Variants in CTIF observed in about 807,000 individuals in gnomAD.
CTIF encodes CBP80/20-dependent translation initiation factor.
Under a neutral mutation model 66.0 loss-of-function variants are expected in CTIF, and 21 were observed. The observed-to-expected ratio is 0.32, with a 90% CI of 0.23 to 0.46. The LOEUF (loss-of-function observed/expected upper bound fraction) is 0.46, where lower values mean the gene tolerates loss of function less well. Among genes scored for constraint, CTIF ranks in the 20% least tolerant of loss-of-function variants. CTIF has a pLI of 1.00. For synonymous variants in CTIF, 345 were observed against 326.4 expected, an observed-to-expected ratio of 1.06 and a Z score of -0.62; for missense variants, 739 against 812.7, an observed-to-expected ratio of 0.91 and a Z score of 1.10.
Position 48,631,322 on chromosome 18 carries a change from C to T in CTIF, c.181-5292C>T, listed in dbSNP as rs374735617. Among the ~76,000 whole-genome samples, 107 of 152,200 alleles carry T rather than the reference C, an allele frequency of 7.0e-4. No individual in the cohort carries two copies. In the South Asian group the frequency reaches 7.7e-3, roughly 11 times the overall value. On this transcript the variant is annotated intron_variant, in intron 2 of 11. Coordinates refer to ENST00000256413, the MANE Select transcript of CTIF (RefSeq NM_014772.3). ...CTACTAAAAATACAAAAAAATTAAC[C>T]GGGTGTGGTGGAGAACGCCTGTAGT...
At chr18:48,794,014 A>T (rs1163037456) in intron 9 of CTIF, among the ~76,000 whole-genome samples, 1 of 147,608 alleles carries the variant, frequency 6.8e-6, no homozygotes, top group Admixed American at 6.9e-5. Flanking sequence ...TACAGATTTC[A>T]TCCCCATCCC....
intron 1 of CTIF, among the ~76,000 whole-genome samples, chr18:48,562,663 T>G (rs1394165514): frequency 6.6e-6 from 1 of 152,222 alleles, no homozygotes; most frequent in Admixed American, 6.5e-5. Flanking sequence ...TGTTGGGAAC[T>G]TATGCAGGCC....
intron 6 of CTIF, among the ~76,000 whole-genome samples, chr18:48,706,404 A>G (rs892894623): frequency 3.3e-5 from 5 of 152,110 alleles, no homozygotes; most frequent in Non-Finnish European, 5.9e-5. Flanking sequence ...TGTCACTCCT[A>G]TCACAGTGTC....
In CTIF at chr18:48,812,254, G is replaced by A. The variant is rs185699265; in HGVS notation, c.1372-4967G>A. ...GCTGGGATTATAGGTGTGAGCCACC[G>A]CGCCCAGCTGGCCATACTATTTTTC... On this transcript the variant is annotated intron_variant, in intron 9 of 11. Coordinates refer to ENST00000256413, the MANE Select transcript of CTIF (RefSeq NM_014772.3). Among the ~76,000 whole-genome samples the A allele has an allele frequency of 2.8e-4, 42 of 152,278 alleles. 1 individual carries two copies. Among genetic ancestry groups the A allele is most frequent in the East Asian group, 2.5e-3 (13 of 5,182 alleles).
At chr18:48,788,418 C>T (rs1911912691) in intron 9 of CTIF, among the ~76,000 whole-genome samples, 1 of 152,160 alleles carries the variant, frequency 6.6e-6, no homozygotes, top group Admixed American at 6.5e-5. Context: ...TCCTCCCTAG[C>T]CTTGGTTTCC....
At chr18:48,576,615 G>T (rs1316273080) in intron 1 of CTIF, among the ~76,000 whole-genome samples, 3 of 152,190 alleles carry the variant, frequency 2.0e-5, no homozygotes, top group African/African-American at 4.8e-5. Flanking sequence ...GCCAGCCGGG[G>T]CGTAACCGTT....
At chr18:48,598,844 A>G (rs2090035669) in intron 1 of CTIF, among the ~76,000 whole-genome samples, 1 of 152,196 alleles carries the variant, frequency 6.6e-6, no homozygotes, top group Non-Finnish European at 1.5e-5. Context: ...CAGAACGGAG[A>G]CACTGTGATT....
At chr18:48,737,393 G>A (rs1017170700) in intron 7 of CTIF, among the ~76,000 whole-genome samples, 1 of 152,198 alleles carries the variant, frequency 6.6e-6, no homozygotes, top group African/African-American at 2.4e-5. Context: ...GTTCAGAAGA[G>A]GAAGAAACCA....
chr18:48,692,284 G>C (rs577335512), intron 6 of CTIF, among the ~76,000 whole-genome samples: 10 of 151,684 alleles, frequency 6.6e-5, no homozygotes, highest in African/African-American at 2.4e-4. Context: ...GCCACTCTGG[G>C]TGTTCATGGG....
intron 9 of CTIF, among the ~76,000 whole-genome samples, chr18:48,790,405 C>T (rs1176102472): frequency 2.6e-5 from 4 of 152,188 alleles, no homozygotes; most frequent in African/African-American, 7.2e-5. Context: ...TCTGGAGTGC[C>T]GAGTTCGAGG....
chr18:48,725,992 A>G (rs2092383395), intron 7 of CTIF, among the ~76,000 whole-genome samples: 2 of 152,100 alleles, frequency 1.3e-5, no homozygotes, highest in Admixed American at 6.5e-5. Context: ...TCCTGTCACT[A>G]GATATGTAGC....
Position 48,658,811 on chromosome 18 carries a change from G to A in CTIF, c.253-4941G>A, listed in dbSNP as rs577687985. Among the ~76,000 whole-genome samples, 21 of 152,310 alleles carry A rather than the reference G, an allele frequency of 1.4e-4. No individual in the cohort carries two copies. The East Asian group carries it at 4.1e-3, about 29-fold the overall frequency. On this transcript the variant is annotated intron_variant, in intron 3 of 11. Transcript: ENST00000256413. ...CTGTAAGCATTTGTCTGGCTCCAGAGCCACGTGGCAGGGCTGGGTGACAGA... is the reference window on the plus strand; with the variant it reads ...CTGTAAGCATTTGTCTGGCTCCAGAACCACGTGGCAGGGCTGGGTGACAGA...
chr18:48,681,512 C>T (rs575709108), intron 6 of CTIF, among the ~76,000 whole-genome samples: 10 of 152,322 alleles, frequency 6.6e-5, no homozygotes, highest in East Asian at 3.9e-4. Context: ...CCATTACAGA[C>T]GAGGAAACTG....
At chr18:48,849,256 C>A (rs8084730) in intron 10 of CTIF, among the ~76,000 whole-genome samples, 32,884 of 140,608 alleles carry the variant, frequency 0.23, 3,984 homozygotes, top group African/African-American at 0.33. Context: ...GGAGTGCAGT[C>A]GTGAGATCTC....
intron 1 of CTIF, among the ~76,000 whole-genome samples, chr18:48,594,149 C>T (rs1599206971): frequency 6.6e-6 from 1 of 151,832 alleles, no homozygotes; most frequent in Non-Finnish European, 1.5e-5. Flanking sequence ...GCAGTCTGGC[C>T]TACCCTTTTC....
intron 9 of CTIF, among the ~76,000 whole-genome samples, chr18:48,808,387 G>A (rs759127225): frequency 1.1e-4 from 16 of 151,942 alleles, no homozygotes; most frequent in Non-Finnish European, 1.8e-4. Flanking sequence ...CATTTATTGC[G>A]TGTATTTTCC....
intron 1 of CTIF, among the ~76,000 whole-genome samples, chr18:48,595,636 A>G (rs1379063629): frequency 6.6e-6 from 1 of 152,114 alleles, no homozygotes; most frequent in Non-Finnish European, 1.5e-5. Flanking sequence ...TATGTTGCCC[A>G]TGCTGGTCTC....
chr18:48,619,712 C>A lies in CTIF; in HGVS notation c.147C>A (p.Gly49=). 1.9e-6 allele frequency: 3 copies of A among 1,603,906 alleles called. No homozygotes were observed. The highest frequency in any genetic ancestry group is 1.7e-5 in the Admixed American group (1 of 58,678). ...GLLADKTEGD[G]ESERTQSHIS... ...TGGCTGACAAGACGGAGGGTGATGG[C>A]GAGAGCGAGAGGACCCAGTCCCACA... The change falls in exon 2 of 12, where the codon GGC becomes GGA. Residue 49 remains glycine, a synonymous_variant. Transcript: ENST00000256413.
intron 3 of CTIF, among the ~76,000 whole-genome samples, chr18:48,641,698 A>G (rs546284314): frequency 2.4e-4 from 37 of 152,330 alleles, no homozygotes; most frequent in Non-Finnish European, 4.9e-4. Flanking sequence ...AAACAACTAC[A>G]CAGACTCCTT....
Sources: gnomAD v4.1 joint callset for allele counts (sites outside exome capture counted in the v4.1 genomes callset) on GRCh38, gnomAD v4.1.1 for gene constraint, MANE v1.5 for transcripts, NCBI Gene and HGNC (gene_info 2026-07-23, HGNC 2026-07-21) for gene names.